The following FRY variants were observed in gnomAD, a reference collection of about 807,000 sequenced individuals.
FRY encodes protein furry homolog.
FRY carries 128 observed loss-of-function variants against 348.4 expected under a neutral mutation model. The ratio of observed to expected loss-of-function variants is 0.37; its 90% CI spans 0.32 to 0.43. The LOEUF is 0.43. FRY is among the 20% of genes least tolerant of loss of function. FRY has a pLI of 1.00. For synonymous variants in FRY, 1,370 were observed against 1,374.7 expected (o/e 1.00, Z 0.08); for missense variants, 2,736 against 3,695.2 (o/e 0.74, Z 6.73).
intron 1 of FRY, among the ~76,000 whole-genome samples, chr13:32,057,698 A>G (rs416377): frequency 0.67 from 101,244 of 152,024 alleles, 33,947 homozygotes; most frequent in African/African-American, 0.67. Flanking sequence ...GGTGGCTCAC[A>G]CCTGTAATGC....
chr13:32,079,060 C>T (rs1566059355), intron 2 of FRY, 27 bp downstream of exon 2: 3 of 1,483,410 alleles, frequency 2.0e-6, no homozygotes, highest in Middle Eastern at 3.4e-4. Flanking sequence ...GAAACTGCCT[C>T]TTTGAAAATT....
chr13:32,153,922 T>TA (rs142055141), intron 14 of FRY, among the ~76,000 whole-genome samples: 2,078 of 152,206 alleles, frequency 0.014, 16 homozygotes, highest in Non-Finnish European at 0.023. Flanking sequence ...ATATGAAACT[T>TA]AAAAAAACAT....
At chr13:32,228,779 A>T (rs1043862280) in intron 40 of FRY, 125 bp downstream of exon 40, 2 of 804,432 alleles carry the variant, frequency 2.5e-6, no homozygotes, top group East Asian at 2.6e-5. Flanking sequence ...TCTCTTCTCA[A>T]TTGCAACTGC....
intron 58 of FRY, among the ~76,000 whole-genome samples, chr13:32,287,012 A>G (rs901502237): frequency 6.6e-6 from 1 of 151,790 alleles, no homozygotes; most frequent in South Asian, 2.1e-4. Context: ...AAAAAAATCA[A>G]AAATTAGCCA....
intron 57 of FRY, 49 bp from the exon 58 acceptor site, chr13:32,278,416 C>T (rs1254225641): frequency 1.0e-6 from 1 of 957,612 alleles, no homozygotes; most frequent in Non-Finnish European, 1.7e-6. Context: ...CAAAAATGTT[C>T]TCAGAACATT....
intron 38 of FRY, among the ~76,000 whole-genome samples, chr13:32,225,558 A>G (rs902842487): frequency 1.7e-4 from 26 of 152,236 alleles, no homozygotes; most frequent in African/African-American, 4.8e-5. Flanking sequence ...TGCTACAGAG[A>G]GGTCAAGAAA....
chr13:32,181,575 C>CAAA (rs35272711), intron 23 of FRY, among the ~76,000 whole-genome samples: 80 of 58,936 alleles, frequency 1.4e-3, no homozygotes, highest in African/African-American at 3.5e-3. Context: ...ACTCCGTCAC[C>CAAA]AAAAAAAAAA....
At chr13:32,063,933 A>G (rs1169745283) in intron 1 of FRY, among the ~76,000 whole-genome samples, 1 of 152,242 alleles carries the variant, frequency 6.6e-6, no homozygotes, top group Non-Finnish European at 1.5e-5. Context: ...ATGACCTTGT[A>G]CATATTAACA....
Position 32,238,672 on chromosome 13 carries a change from G to A in FRY, c.6419-580G>A, listed in dbSNP as rs1456419750. On this transcript the variant is annotated intron_variant, in intron 44 of 60. Coordinates refer to ENST00000542859, the MANE Select transcript of FRY (RefSeq NM_023037.3). ...TCACCATGTCGGCCAGGATGGTCTC[G>A]ATATCTTGACCTTGTGATCCACCCG... is the stretch of plus-strand genomic sequence containing the variant. 5.3e-5 allele frequency among the ~76,000 whole-genome samples: 8 copies of A among 152,078 alleles called. No homozygotes were observed. The East Asian group carries it at 1.6e-3, about 30-fold the overall frequency.
intron 44 of FRY, among the ~76,000 whole-genome samples, chr13:32,238,770 CCA>C (rs1342060521): frequency 6.6e-6 from 1 of 152,266 alleles, no homozygotes; most frequent in African/African-American, 2.4e-5. Flanking sequence ...ATTTTTAATG[CCA>C]TGGCATGTGA....
intron 46 of FRY, among the ~76,000 whole-genome samples, chr13:32,241,715 T>C (rs1886514267): frequency 1.3e-5 from 2 of 152,208 alleles, no homozygotes; most frequent in African/African-American, 2.4e-5. Flanking sequence ...GGAAAGTAGA[T>C]TGATACACTT....
intron 35 of FRY, among the ~76,000 whole-genome samples, chr13:32,216,926 T>C (rs1295742194): frequency 3.9e-5 from 6 of 152,198 alleles, no homozygotes; most frequent in African/African-American, 1.2e-4. Context: ...GTTGCAAATA[T>C]CTAAAAAGTG....
chr13:32,128,144 T>C (rs1335844225), intron 7 of FRY, among the ~76,000 whole-genome samples: 1 of 152,188 alleles, frequency 6.6e-6, no homozygotes, highest in African/African-American at 2.4e-5. Flanking sequence ...TGCTTGACAG[T>C]CATGGTCATT....
At chr13:32,275,075 G>T (rs1888454535) in intron 56 of FRY, 84 bp downstream of exon 56, 1 of 1,308,914 alleles carries the variant, frequency 7.6e-7, no homozygotes. Flanking sequence ...TTGCGCTGTG[G>T]TTTGTTTTAA....
chr13:32,161,293 T>C, intron 17 of FRY, 42 bp downstream of exon 17: 1 of 1,133,488 alleles, frequency 8.8e-7, no homozygotes, highest in Non-Finnish European at 1.3e-6. Context: ...TTTCGATCCT[T>C]TGTTGTGACT....
intron 38 of FRY, 85 bp from the exon 39 acceptor site, chr13:32,225,704 C>T: frequency 9.7e-7 from 1 of 1,028,490 alleles, no homozygotes; most frequent in African/African-American, 1.6e-5. Flanking sequence ...CATGTTCCTC[C>T]TGAGTATCCT....
At chr13:32,175,479 G>A (rs1435389106) in intron 19 of FRY, 67 bp from the exon 20 acceptor site, 17 of 949,888 alleles carry the variant, frequency 1.8e-5, no homozygotes, top group South Asian at 5.1e-5. Context: ...TGTATCAGAC[G>A]AAGGCGGTGG....
At chr13:32,277,949 A>G (rs1888616690) in intron 57 of FRY, among the ~76,000 whole-genome samples, 1 of 152,224 alleles carries the variant, frequency 6.6e-6, no homozygotes, top group African/African-American at 2.4e-5. Flanking sequence ...TTACTACCCC[A>G]GATGCTTAAG....
chr13:32,226,048 A>C (rs1885562565), intron 39 of FRY, 74 bp downstream of exon 39: 1 of 1,333,754 alleles, frequency 7.5e-7, no homozygotes, highest in South Asian at 1.2e-5. Flanking sequence ...GTGCCAGTGG[A>C]GCCCAAGTTA....
Sources: gnomAD v4.1 joint callset for allele counts (sites outside exome capture counted in the v4.1 genomes callset) on GRCh38, gnomAD v4.1.1 for gene constraint, MANE v1.5 for transcripts, NCBI Gene and HGNC (gene_info 2026-07-23, HGNC 2026-07-21) for gene names.